Variants in TRPS1 observed in about 807,000 individuals in gnomAD.
TRPS1 encodes the protein transcriptional repressor GATA binding 1.
TRPS1 carries 6 observed loss-of-function variants against 101.2 expected under a neutral mutation model. That is an observed-to-expected ratio of 0.06 (90% confidence interval 0.03 to 0.12). TRPS1 has a LOEUF of 0.12. Among genes scored for constraint, TRPS1 ranks in the 10% least tolerant of loss-of-function variants. The probability of loss-of-function intolerance (pLI) is 1.00; values close to 1 mark genes in which losing one functional copy is unlikely to be tolerated. For missense variants in TRPS1, 1,363 were observed against 1,567.0 expected (o/e 0.87, Z 2.20); for synonymous variants, 578 against 589.8 (o/e 0.98, Z 0.29).
rs1236638180 is a variant in TRPS1 at position 115,418,896 on chromosome 8, A to G, written c.2701-444T>C. On this transcript the variant is annotated intron_variant, in intron 5 of 6. Coordinates refer to ENST00000395715, the MANE Select transcript of TRPS1 (RefSeq NM_014112.5). The surrounding 1 kb of genome is among the most constrained non-coding windows in gnomAD (Gnocchi z 4.3). ...ATAAATGTAAATCATTTAAAATTAA[A>G]CTTGATTTGTGTGTTTTTGTATGTC... Among the ~76,000 whole-genome samples, 1 of 152,220 alleles carries G rather than the reference A, an allele frequency of 6.6e-6. No homozygotes were observed. The highest frequency in any genetic ancestry group is 1.5e-5 in the Non-Finnish European group (1 of 68,036).
intron 5 of TRPS1, among the ~76,000 whole-genome samples, chr8:115,447,844 T>A (rs1435161106): frequency 2.6e-5 from 4 of 152,188 alleles, no homozygotes; most frequent in Non-Finnish European, 5.9e-5. Flanking sequence ...TCTAGGTCCA[T>A]TCTTTTACTT....
intron 5 of TRPS1, among the ~76,000 whole-genome samples, chr8:115,483,596 T>C (rs750062688): frequency 2.0e-4 from 31 of 152,000 alleles, no homozygotes; most frequent in Non-Finnish European, 4.0e-4. Context: ...ATCTCCATTT[T>C]ACAGATGAGA....
At chr8:115,511,861 C>G (rs1815593688) in intron 5 of TRPS1, among the ~76,000 whole-genome samples, 1 of 151,786 alleles carries the variant, frequency 6.6e-6, no homozygotes, top group Non-Finnish European at 1.5e-5. Context: ...CAAATGCACT[C>G]TAAAATTTAA....
intron 5 of TRPS1, among the ~76,000 whole-genome samples, chr8:115,420,596 G>C (rs1813029127): frequency 6.6e-6 from 1 of 152,158 alleles, no homozygotes. Flanking sequence ...GCCAAAGTGG[G>C]TGTAATCCTG....
At chr8:115,582,722 T>C (rs1333110642) in intron 5 of TRPS1, among the ~76,000 whole-genome samples, 3 of 152,182 alleles carry the variant, frequency 2.0e-5, no homozygotes, top group African/African-American at 7.2e-5. Context: ...CCCAGGCCCA[T>C]GGTTGAGCAT....
chr8:115,541,153 T>C (rs1563588355), intron 5 of TRPS1, among the ~76,000 whole-genome samples: 1 of 152,240 alleles, frequency 6.6e-6, no homozygotes, highest in Non-Finnish European at 1.5e-5. Flanking sequence ...CAGAAGCGAA[T>C]GTATGTTACA....
At chr8:115,618,544 T>A (rs1039804932) in intron 3 of TRPS1, among the ~76,000 whole-genome samples, 4 of 152,230 alleles carry the variant, frequency 2.6e-5, no homozygotes, top group African/African-American at 9.6e-5. Flanking sequence ...CCTACCAAGG[T>A]CATTCTGCTG....
intron 5 of TRPS1, among the ~76,000 whole-genome samples, chr8:115,423,723 G>A (rs1813124214): frequency 2.0e-5 from 3 of 152,256 alleles, no homozygotes; most frequent in Admixed American, 2.0e-4. Flanking sequence ...TTTAAGTTTT[G>A]CTTTTGGGAG....
At chr8:115,631,958 TA>T in intron 1 of TRPS1, among the ~76,000 whole-genome samples, 1 of 151,760 alleles carries the variant, frequency 6.6e-6, no homozygotes, top group East Asian at 1.9e-4. Flanking sequence ...ATTTATTTTT[TA>T]AAATGGTAAA....
At chr8:115,527,382 G>A (rs369795932) in intron 5 of TRPS1, among the ~76,000 whole-genome samples, 1 of 151,888 alleles carries the variant, frequency 6.6e-6, no homozygotes, top group African/African-American at 2.4e-5. Context: ...CTCCAAATGC[G>A]TGTGAGGCTT....
chr8:115,585,878 C>T (rs1446408003), intron 5 of TRPS1, among the ~76,000 whole-genome samples: 1 of 152,202 alleles, frequency 6.6e-6, no homozygotes, highest in East Asian at 1.9e-4. Context: ...CTATAATTAA[C>T]TGTGCACCTC....
chr8:115,614,718 C>T (rs908227353), intron 3 of TRPS1, among the ~76,000 whole-genome samples: 5 of 152,200 alleles, frequency 3.3e-5, no homozygotes, highest in African/African-American at 1.2e-4. Context: ...GTCCTCAACT[C>T]AGAAAAACAA....
At chr8:115,664,396 G>C (rs1268346463) in intron 1 of TRPS1, among the ~76,000 whole-genome samples, 3 of 152,024 alleles carry the variant, frequency 2.0e-5, no homozygotes, top group African/African-American at 7.2e-5. Flanking sequence ...CTATATCTAA[G>C]GGGGACTCAA....
At chr8:115,475,253 T>G (rs997393139) in intron 5 of TRPS1, among the ~76,000 whole-genome samples, 1 of 138,054 alleles carries the variant, frequency 7.2e-6, no homozygotes, top group African/African-American at 2.7e-5. Context: ...TACTATATAT[T>G]TTTGAATCAC....
At chr8:115,667,936 T>TGGC (rs965777285) in intron 1 of TRPS1, 50 of 1,533,212 alleles carry the variant, frequency 3.3e-5, no homozygotes, top group East Asian at 1.2e-4. Context: ...AAACTTGCAG[T>TGGC]GGCGGCGGCG....
At chr8:115,465,919 C>T (rs1407493863) in intron 5 of TRPS1, among the ~76,000 whole-genome samples, 4 of 152,164 alleles carry the variant, frequency 2.6e-5, no homozygotes, top group East Asian at 1.9e-4. Flanking sequence ...AAAAGAGAGG[C>T]TTATTGAACT....
chr8:115,432,877 C>T, intron 5 of TRPS1, among the ~76,000 whole-genome samples: 1 of 151,072 alleles, frequency 6.6e-6, no homozygotes, highest in East Asian at 1.9e-4. Flanking sequence ...CTGTGCTATT[C>T]TTTCTTGAAC....
chr8:115,450,204 A>G (rs1813833789), intron 5 of TRPS1, among the ~76,000 whole-genome samples: 2 of 152,138 alleles, frequency 1.3e-5, no homozygotes, highest in African/African-American at 2.4e-5. Context: ...TTATTTCTGA[A>G]ATTTATTTCT....
intron 5 of TRPS1, among the ~76,000 whole-genome samples, chr8:115,531,499 A>T (rs1816130641): frequency 6.6e-6 from 1 of 152,148 alleles, no homozygotes; most frequent in South Asian, 2.1e-4. Flanking sequence ...AAAATAGGGG[A>T]TAATTTAACA....
Sources: gnomAD v4.1 joint callset for allele counts (sites outside exome capture counted in the v4.1 genomes callset) on GRCh38, gnomAD v4.1.1 for gene constraint, Gnocchi (gnomAD v3.1) non-coding constraint, MANE v1.5 for transcripts, NCBI Gene and HGNC (gene_info 2026-07-23, HGNC 2026-07-21) for gene names.